The following KCNH5 variants were observed in gnomAD, a reference collection of about 807,000 sequenced individuals.
KCNH5 encodes potassium voltage-gated channel subfamily H member 5.
KCNH5 carries 46 observed loss-of-function variants against 96.1 expected under a neutral mutation model. The ratio of observed to expected loss-of-function variants is 0.48; its 90% CI spans 0.38 to 0.61. KCNH5 has a LOEUF of 0.61. Among genes scored for constraint, KCNH5 ranks in the 20% least tolerant of loss-of-function variants. The pLI is 0.00. For missense variants in KCNH5, 907 were observed against 1,225.8 expected (o/e 0.74, Z 3.88); for synonymous variants, 439 against 449.8 (o/e 0.98, Z 0.30).
intron 7 of KCNH5, among the ~76,000 whole-genome samples, chr14:62,919,110 G>C (rs756354623): frequency 2.0e-5 from 3 of 151,954 alleles, no homozygotes; most frequent in Non-Finnish European, 4.4e-5. Flanking sequence ...AAAAAGTGTA[G>C]TATAGTTTCA....
intron 10 of KCNH5, among the ~76,000 whole-genome samples, 153 bp from the exon 11 acceptor site, chr14:62,708,608 T>A (rs1884496686): frequency 6.6e-6 from 1 of 152,180 alleles, no homozygotes; most frequent in South Asian, 2.1e-4. Flanking sequence ...AAATACCATT[T>A]ATGGAATTGC....
In KCNH5 at chr14:62,957,234, T is replaced by A. The variant is rs191796207; in HGVS notation, c.943-6675A>T. 2.2e-3 allele frequency among the ~76,000 whole-genome samples: 339 copies of A among 152,308 alleles called. 2 individuals carry two copies. The highest frequency in any genetic ancestry group is 7.0e-3 in the African/African-American group (290 of 41,582). ...AAAGAGATGTGAGATGTTATCAGCA[T>A]AAAATAATATCTTGCAATGATAAAG... On this transcript the variant is annotated intron_variant, in intron 6 of 10. Transcript: ENST00000322893.
intron 8 of KCNH5, among the ~76,000 whole-genome samples, chr14:62,846,165 C>G (rs1887686978): frequency 6.6e-6 from 1 of 151,976 alleles, no homozygotes; most frequent in African/African-American, 2.4e-5. Context: ...AGTTTTAACT[C>G]TTTGTTCCAA....
At chr14:62,780,610 G>A (rs7154517) in intron 9 of KCNH5, among the ~76,000 whole-genome samples, 40,749 of 152,008 alleles carry the variant, frequency 0.27, 6,191 homozygotes, top group South Asian at 0.53. Flanking sequence ...AAATGTAGAC[G>A]TCTTTTAAAA....
chr14:62,832,928 T>C (rs1428748026), intron 8 of KCNH5, among the ~76,000 whole-genome samples: 6 of 152,184 alleles, frequency 3.9e-5, no homozygotes, highest in African/African-American at 1.4e-4. Flanking sequence ...AGGAGAAATG[T>C]TTATTTAAGT....
chr14:62,951,067 A>G (rs1889996231), intron 6 of KCNH5, among the ~76,000 whole-genome samples: 1 of 152,188 alleles, frequency 6.6e-6, no homozygotes, highest in Admixed American at 6.5e-5. Context: ...TTTGGTATAT[A>G]TGGGGAAAAT....
chr14:62,970,880 A>G (rs946507726), intron 6 of KCNH5, among the ~76,000 whole-genome samples: 7 of 148,744 alleles, frequency 4.7e-5, no homozygotes, highest in African/African-American at 1.2e-4. Flanking sequence ...CAAAAAAAAG[A>G]AAAAAAAAAC....
At chr14:62,761,726 G>A (rs1322358718) in intron 10 of KCNH5, among the ~76,000 whole-genome samples, 1 of 151,996 alleles carries the variant, frequency 6.6e-6, no homozygotes, top group Non-Finnish European at 1.5e-5. Flanking sequence ...CTAGAAGACA[G>A]AAGAAAAAAC....
At chr14:62,894,592 T>A (rs927862971) in intron 7 of KCNH5, among the ~76,000 whole-genome samples, 17 of 152,182 alleles carry the variant, frequency 1.1e-4, no homozygotes, top group African/African-American at 4.1e-4. Context: ...CAACACCCCC[T>A]AGAACAACCT....
At chr14:62,752,713 G>A (rs1412902898) in intron 10 of KCNH5, among the ~76,000 whole-genome samples, 2 of 152,010 alleles carry the variant, frequency 1.3e-5, no homozygotes, top group Non-Finnish European at 2.9e-5. Context: ...TGGATTATGG[G>A]GGCAGTTTCC....
rs549704049 is a variant in KCNH5, at chr14:62,996,785, T to A, written c.433+4546A>T. Reference sequence around the variant, plus strand: ...CCGGTCAAAACTGCTGCGAAAGTACTGTACTTTCTTTGGCCAACTTCATCT... The same window carrying A: ...CCGGTCAAAACTGCTGCGAAAGTACAGTACTTTCTTTGGCCAACTTCATCT... On this transcript the variant is annotated intron_variant, in intron 4 of 10. Coordinates refer to ENST00000322893, the MANE Select transcript of KCNH5 (RefSeq NM_139318.5). 3.3e-5 allele frequency among the ~76,000 whole-genome samples: 5 copies of A among 152,354 alleles called. No homozygotes were observed. In the East Asian group the frequency reaches 9.6e-4, roughly 29 times the overall value.
intron 7 of KCNH5, among the ~76,000 whole-genome samples, chr14:62,888,105 G>GT (rs1348235729): frequency 2.0e-5 from 3 of 152,156 alleles, no homozygotes; most frequent in Non-Finnish European, 4.4e-5. Flanking sequence ...GGCTCTGCAG[G>GT]TAACTTTTAC....
chr14:62,799,726 T>TATATATATATATATATATACAC (rs1213484157), intron 9 of KCNH5, among the ~76,000 whole-genome samples: 1 of 68,662 alleles, frequency 1.5e-5, no homozygotes, highest in Non-Finnish European at 2.9e-5. Flanking sequence ...TATATATATA[T>TATATATATATATATATATACAC]ACACACACAC....
At chr14:62,752,253 C>A (rs1303028629) in intron 10 of KCNH5, among the ~76,000 whole-genome samples, 1 of 152,046 alleles carries the variant, frequency 6.6e-6, no homozygotes, top group Non-Finnish European at 1.5e-5. Flanking sequence ...TTCTCTTCCA[C>A]TGTACAACAC....
intron 2 of KCNH5, among the ~76,000 whole-genome samples, chr14:63,010,703 G>T (rs150625459): frequency 6.6e-6 from 1 of 152,198 alleles, no homozygotes; most frequent in Non-Finnish European, 1.5e-5. Context: ...TTGAGGAACA[G>T]GTGGTTTGGG....
At chr14:62,777,938 G>T (rs534637664) in intron 10 of KCNH5, among the ~76,000 whole-genome samples, 4 of 152,096 alleles carry the variant, frequency 2.6e-5, no homozygotes, top group African/African-American at 9.6e-5. Context: ...GTCCCTCCTT[G>T]GCCCCTTGCA....
chr14:62,720,890 A>G (rs185583105), intron 10 of KCNH5, among the ~76,000 whole-genome samples: 6 of 152,308 alleles, frequency 3.9e-5, no homozygotes, highest in Admixed American at 6.5e-5. Context: ...ACACACACAC[A>G]CTGTATACCT....
chr14:62,931,420 C>A (rs1214545592), intron 7 of KCNH5, among the ~76,000 whole-genome samples: 1 of 152,062 alleles, frequency 6.6e-6, no homozygotes, highest in South Asian at 2.1e-4. Context: ...AGAGGGTTGA[C>A]GACATGTATA....
intron 10 of KCNH5, among the ~76,000 whole-genome samples, chr14:62,720,723 G>A (rs554529002): frequency 7.6e-4 from 116 of 152,150 alleles, no homozygotes; most frequent in Admixed American, 1.6e-3. Flanking sequence ...GGATGTGCTG[G>A]ATGAATAATC....
Sources: gnomAD v4.1 joint callset for allele counts (sites outside exome capture counted in the v4.1 genomes callset) on GRCh38, gnomAD v4.1.1 for gene constraint, MANE v1.5 for transcripts, NCBI Gene and HGNC (gene_info 2026-07-23, HGNC 2026-07-21) for gene names.